SERPINB1: variants seen among roughly 807,000 people sequenced by gnomAD.
The protein encoded by SERPINB1 is leukocyte elastase inhibitor.
A neutral mutation model predicts 25.9 loss-of-function variants in SERPINB1; 23 were observed. The observed-to-expected ratio is 0.89, with a 90% confidence interval of 0.64 to 1.26. The LOEUF (loss-of-function observed/expected upper bound fraction) is 1.26. SERPINB1 is among the 50% of genes most tolerant of loss of function. The probability of loss-of-function intolerance (pLI) is 0.00; values close to 1 mark genes in which losing one functional copy is unlikely to be tolerated. For missense variants in SERPINB1, 399 were observed against 463.6 expected (o/e 0.86, Z 1.28); for synonymous variants, 178 against 178.7 (o/e 1.00, Z 0.03).
At chr6:2,840,287 G>C in intron 2 of SERPINB1, 132 bp downstream of exon 2, 1 of 1,106,648 alleles carries the variant, frequency 9.0e-7, no homozygotes, top group Non-Finnish European at 1.3e-6. Flanking sequence ...TGACTTTTCT[G>C]AAAGTCTGAT....
In SERPINB1 at chr6:2,841,066, G is replaced by T. The variant is rs1195236175; in HGVS notation, c.-8-472C>A. On this transcript the variant is annotated intron_variant, in intron 1 of 6. Transcript: ENST00000380739. This position sits in a 1 kb window ranked among gnomAD's most constrained non-coding sequence, Gnocchi z 4.5. ...CTAAGAGCCTTCTATCAGAGACTCA[G>T]CTACCTACTATGCATTAAAACTCCA... 2 of 152,624 alleles carry T rather than the reference G, an allele frequency of 1.3e-5. 1 individual carries two copies. The allele number at this position is 152,624 out of a possible 1,614,324, so 9.5% of individuals were successfully genotyped here. A position where few individuals can be genotyped will look rare whatever the true frequency, so the allele number is the denominator to read the frequency against.
intron 6 of SERPINB1, 115 bp from the exon 7 acceptor site, chr6:2,834,127 T>A (rs113555151): frequency 1.0e-6 from 1 of 987,054 alleles, no homozygotes; most frequent in Non-Finnish European, 1.4e-6. Context: ...GTTTCCTTCA[T>A]GTTTTGTGCC....
chr6:2,840,722 C>T, intron 1 of SERPINB1, 128 bp from the exon 2 acceptor site: 2 of 844,088 alleles, frequency 2.4e-6, no homozygotes, highest in Non-Finnish European at 3.5e-6. Flanking sequence ...TGTACTTTCT[C>T]CCCGCTTTTT....
chr6:2,836,362 T>C, intron 4 of SERPINB1, 112 bp from the exon 5 acceptor site: 1 of 1,169,626 alleles, frequency 8.5e-7, no homozygotes, highest in Non-Finnish European at 1.2e-6. Flanking sequence ...TACTTAATTT[T>C]CATTTAACAA....
chr6:2,836,641 TCAAATCGCTGAGTAGATGCC>T (rs1766501893), intron 4 of SERPINB1, among the ~76,000 whole-genome samples: 2 of 48,740 alleles, frequency 4.1e-5, no homozygotes, highest in East Asian at 1.7e-3. Context: ...AATCACTTCT[TCAAATCGCTGAGTAGATGCC>T]TACTCTCACA....
intron 2 of SERPINB1, chr6:2,839,217 C>G (rs1467502158): frequency 1.7e-6 from 1 of 600,488 alleles, no homozygotes; most frequent in Non-Finnish European, 2.1e-6. Context: ...GTTTAATTCC[C>G]CATGTATCAG....
At chr6:2,840,630 G>A (rs780869502) in intron 1 of SERPINB1, 36 bp from the exon 2 acceptor site, 1 of 1,552,792 alleles carries the variant, frequency 6.4e-7, no homozygotes, top group Non-Finnish European at 8.7e-7. Context: ...GGTGCCCACT[G>A]CCCACGCCAG....
At chr6:2,840,640 G>A in intron 1 of SERPINB1, 46 bp from the exon 2 acceptor site, 1 of 1,516,442 alleles carries the variant, frequency 6.6e-7, no homozygotes, top group Non-Finnish European at 8.9e-7. Flanking sequence ...GCCCACGCCA[G>A]CAGATTAGGC....
rs1335916021 is a variant in SERPINB1 at position 2,836,101 on chromosome 6, A to C, written c.567+7T>G. ...ATGCATGACTCTGTACAGTTACCTCACCTCACCTTATTCAATCTGAATGGT... is the reference window on the plus strand; with the variant it reads ...ATGCATGACTCTGTACAGTTACCTCCCCTCACCTTATTCAATCTGAATGGT... On this transcript the variant is annotated splice_region_variant and intron_variant, in intron 5 of 6. Transcript: ENST00000380739. The C allele has an allele frequency of 1.9e-6, 3 of 1,613,834 alleles. No individual in the cohort carries two copies. In the East Asian group the frequency reaches 6.7e-5, roughly 36 times the overall value.
chr6:2,836,926 C>T (rs920595366), intron 4 of SERPINB1, among the ~76,000 whole-genome samples: 3 of 152,176 alleles, frequency 2.0e-5, no homozygotes, highest in African/African-American at 7.2e-5. Flanking sequence ...AGGTCACCTT[C>T]GTGACCATAA....
chr6:2,837,378 G>A lies in SERPINB1; in HGVS notation c.424+504C>T, dbSNP rs316337. On this transcript the variant is annotated intron_variant, in intron 4 of 6. Coordinates refer to ENST00000380739, the MANE Select transcript of SERPINB1 (RefSeq NM_030666.4). The surrounding 1 kb of genome is among the most constrained non-coding windows in gnomAD (Gnocchi z 4.3). ...ACTGTAACCTTTACCTCCTGTGTTC[G>A]AGAGATTCTCCTGCCTCAGCCTCCA... 0.69 allele frequency among the ~76,000 whole-genome samples: 105,217 copies of A among 151,798 alleles called. 36,618 individuals carry two copies. The highest frequency in any genetic ancestry group is 0.83 in the Middle Eastern group (243 of 294).
rs2113535602 is a variant in SERPINB1, at chr6:2,836,266, G to T, written c.425-16C>A. ...GGAATTTTTCCTAAAAAAAAATCAA[G>T]TTAGCGTAAAAAAAATCCAAATCGG... On this transcript the variant is annotated splice_polypyrimidine_tract_variant and intron_variant, in intron 4 of 6. Coordinates refer to ENST00000380739, the MANE Select transcript of SERPINB1 (RefSeq NM_030666.4). The T allele has an allele frequency of 1.9e-6, 3 of 1,579,650 alleles. No individual in the cohort carries two copies. The South Asian group carries it at 3.5e-5, about 18-fold the overall frequency.
chr6:2,839,326 A>C (rs566146462), intron 2 of SERPINB1: 3 of 985,282 alleles, frequency 3.0e-6, no homozygotes, highest in African/African-American at 3.5e-5. Flanking sequence ...CGAAGTCCAC[A>C]TTACTCACCG....
In SERPINB1 at chr6:2,840,423, G is replaced by T; in HGVS notation, c.164C>A (p.Ser55Tyr). Reference protein sequence around the residue: ...GTRGNTAAQLSKTFHFNTVEE... With the variant: ...GTRGNTAAQLYKTFHFNTVEE... ...CTTTTTTTTGTTTCTGCTGACCTTG[G>T]ACAGCTGTGCTGCCGTGTTACCTCT... The change falls in exon 2 of 7, where the codon TCC becomes TAC. Residue 55 changes from serine (S) to tyrosine (Y), a missense_variant. Coordinates refer to ENST00000380739, the MANE Select transcript of SERPINB1 (RefSeq NM_030666.4). 6.2e-7 allele frequency: 1 copy of T among 1,613,952 alleles called. No individual in the cohort carries two copies. The highest frequency in any genetic ancestry group is 8.5e-7 in the Non-Finnish European group (1 of 1,179,978).
In SERPINB1 at chr6:2,833,953, A is replaced by C; in HGVS notation, c.795T>G (p.Asp265Glu). Residue 265 changes from aspartate (D) to glutamate (E), a missense_variant, in exon 7 of 7, where the codon GAT becomes GAG. Transcript: ENST00000380739. ...GCAAGCTGACATTAACTTCAATGAA[A>C]TCGAGATTCTCAGGTTTAGTCCACT... ...LHEWTKPENLDFIEVNVSLPR... is the reference protein window; with the variant it reads ...LHEWTKPENLEFIEVNVSLPR... The C allele has an allele frequency of 6.2e-7, 1 of 1,613,730 alleles. No individual in the cohort carries two copies. Among genetic ancestry groups the C allele is most frequent in the Non-Finnish European group, 8.5e-7 (1 of 1,179,922 alleles).
chr6:2,836,084 C>T (rs370000158), intron 5 of SERPINB1, 24 bp downstream of exon 5: 4 of 1,613,952 alleles, frequency 2.5e-6, no homozygotes, highest in Non-Finnish European at 2.5e-6. Context: ...CAATGCATGA[C>T]TCTGTACAGT....
In SERPINB1 at chr6:2,836,324, C is replaced by T. The variant is rs371943542; in HGVS notation, c.425-74G>A. On this transcript the variant is annotated intron_variant, in intron 4 of 6. Coordinates refer to ENST00000380739, the MANE Select transcript of SERPINB1 (RefSeq NM_030666.4). Reference sequence around the variant, plus strand: ...AATTTGAACTGACAATATATTAGCACGGAAATGCAATTCAAATATATAATT... The same window carrying T: ...AATTTGAACTGACAATATATTAGCATGGAAATGCAATTCAAATATATAATT... The T allele has an allele frequency of 1.2e-4, 164 of 1,401,410 alleles. 1 individual carries two copies. The highest frequency in any genetic ancestry group is 6.7e-4 in the South Asian group (49 of 73,418). The allele number at this position is 1,401,410 out of a possible 1,614,324, so 86.8% of individuals were successfully genotyped here.
At position 2,837,898 on chromosome 6, in the gene SERPINB1, G is replaced by A. The variant is rs925442557; in HGVS notation, c.408C>T (p.Val136=). 3 of 1,613,192 alleles carry A rather than the reference G, an allele frequency of 1.9e-6. No homozygotes were observed. The highest frequency in any genetic ancestry group is 1.7e-5 in the Admixed American group (1 of 60,002). ...GGCTCTCACCTTCTGTCTGTCCTTT[G>A]ACCCACTGGTTTATGGTCTTCCTTG... ...EDARKTINQW[V]KGQTEGKIPE... The change falls in exon 4 of 7, where the codon GTC becomes GTT. Residue 136 remains valine, a synonymous_variant. Transcript: ENST00000380739. The surrounding 1 kb of genome is among the most constrained non-coding windows in gnomAD (Gnocchi z 4.3).
In SERPINB1 at chr6:2,841,292, GA is replaced by G. The variant is rs1766645704; in HGVS notation, c.-9+519del. The G allele has an allele frequency of 6.6e-6, 1 of 152,270 alleles. No homozygotes were observed. Among genetic ancestry groups the G allele is most frequent in the Admixed American group, 6.5e-5 (1 of 15,270 alleles). 9.4% of individuals were successfully genotyped at this position (152,270 alleles called of 1,614,324 possible). A position where few individuals can be genotyped will look rare whatever the true frequency, so the allele number is the denominator to read the frequency against. Reference sequence around the variant, plus strand: ...TCTCGATCTCCACTCTCAGAGCCCTGATTTCCCCCGAGGACAGGCAAAGAAG... The same window carrying G: ...TCTCGATCTCCACTCTCAGAGCCCTGTTTCCCCCGAGGACAGGCAAAGAAG... On this transcript the variant is annotated intron_variant, in intron 1 of 6. Coordinates refer to ENST00000380739, the MANE Select transcript of SERPINB1 (RefSeq NM_030666.4). The surrounding 1 kb of genome is among the most constrained non-coding windows in gnomAD (Gnocchi z 4.5).
Sources: gnomAD v4.1 joint callset for allele counts (sites outside exome capture counted in the v4.1 genomes callset) on GRCh38, gnomAD v4.1.1 for gene constraint, Gnocchi (gnomAD v3.1) non-coding constraint, MANE v1.5 for transcripts, NCBI Gene and HGNC (gene_info 2026-07-23, HGNC 2026-07-21) for gene names.